Variants in NAV3 observed in about 807,000 individuals in gnomAD.
The protein encoded by NAV3 is pore membrane and/or filament interacting like protein 1.
In NAV3, 87 loss-of-function variants were observed where a neutral mutation model predicts 244.7. The observed-to-expected ratio is 0.36, with a 90% CI of 0.30 to 0.42. The LOEUF (loss-of-function observed/expected upper bound fraction) is 0.42. NAV3 is among the 20% of genes least tolerant of loss of function. NAV3 has a pLI of 1.00. For synonymous variants in NAV3, 1,126 were observed against 1,042.2 expected, an observed-to-expected ratio of 1.08 and a Z score of -1.55; for missense variants, 2,663 against 2,893.3, an observed-to-expected ratio of 0.92 and a Z score of 1.83.
intron 2 of NAV3, among the ~76,000 whole-genome samples, chr12:77,808,862 A>C (rs1872128923): frequency 6.6e-6 from 1 of 152,150 alleles, no homozygotes; most frequent in South Asian, 2.1e-4. Context: ...TTTCTTTCAG[A>C]TATGCCGTCT....
At chr12:78,057,212 A>G (rs940578463) in intron 11 of NAV3, among the ~76,000 whole-genome samples, 1 of 152,238 alleles carries the variant, frequency 6.6e-6, no homozygotes, top group African/African-American at 2.4e-5. Flanking sequence ...AATTGAAGTT[A>G]TCTTCAGGTG....
chr12:77,819,683 A>G (rs1417302290), intron 2 of NAV3, among the ~76,000 whole-genome samples: 3 of 152,152 alleles, frequency 2.0e-5, no homozygotes, highest in African/African-American at 4.8e-5. Context: ...GGACACAGGA[A>G]AAGTGAAGAA....
chr12:77,753,161 T>G (rs528114141), intron 2 of NAV3, among the ~76,000 whole-genome samples: 1 of 152,268 alleles, frequency 6.6e-6, no homozygotes, highest in East Asian at 1.9e-4. Context: ...TGACAACACA[T>G]AGAAAGTAAA....
intron 8 of NAV3, among the ~76,000 whole-genome samples, chr12:78,015,351 C>G (rs1417806548): frequency 6.6e-6 from 1 of 152,084 alleles, no homozygotes; most frequent in African/African-American, 2.4e-5. Flanking sequence ...GTCACATCTT[C>G]TGAATATCCC....
In NAV3 at chr12:78,193,337, G is replaced by T. The variant is rs553199997; in HGVS notation, c.6291+3118G>T. On this transcript the variant is annotated intron_variant, in intron 34 of 39. Transcript: ENST00000397909. Reference sequence around the variant, plus strand: ...GACATTCGATATAGTAGGCCCAGAGGGCTAGAGGTGGATTTAGTAGAGAAT... The same window carrying T: ...GACATTCGATATAGTAGGCCCAGAGTGCTAGAGGTGGATTTAGTAGAGAAT... 5.9e-5 allele frequency among the ~76,000 whole-genome samples: 9 copies of T among 152,266 alleles called. No homozygotes were observed. The South Asian group carries it at 8.3e-4, about 14-fold the overall frequency.
intron 1 of NAV3, among the ~76,000 whole-genome samples, chr12:77,932,825 C>T (rs1313409778): frequency 6.6e-6 from 1 of 152,130 alleles, no homozygotes; most frequent in African/African-American, 2.4e-5. Flanking sequence ...TGGCCTCTTC[C>T]TTTAGTGTTT....
At chr12:77,759,729 A>G (rs1236019899) in intron 2 of NAV3, among the ~76,000 whole-genome samples, 1 of 152,002 alleles carries the variant, frequency 6.6e-6, no homozygotes, top group Non-Finnish European at 1.5e-5. Flanking sequence ...AGTGTTAAAT[A>G]AAGTTGCTCA....
At chr12:78,071,711 C>A (rs947442551) in intron 12 of NAV3, among the ~76,000 whole-genome samples, 1 of 152,084 alleles carries the variant, frequency 6.6e-6, no homozygotes, top group Non-Finnish European at 1.5e-5. Flanking sequence ...GTTTTCCCAG[C>A]GCCATTTATT....
At chr12:77,786,387 AT>A (rs1345825932) in intron 2 of NAV3, among the ~76,000 whole-genome samples, 1 of 151,922 alleles carries the variant, frequency 6.6e-6, no homozygotes, top group Non-Finnish European at 1.5e-5. Flanking sequence ...ATATTTTAAT[AT>A]TTTTCATATG....
At chr12:77,789,506 G>A (rs1871073280) in intron 2 of NAV3, among the ~76,000 whole-genome samples, 1 of 31,636 alleles carries the variant, frequency 3.2e-5, no homozygotes, top group Non-Finnish European at 1.2e-4. Context: ...TCGCTAATGA[G>A]CTAAAAAAAA....
chr12:77,965,525 C>T (rs1008839462), intron 3 of NAV3, among the ~76,000 whole-genome samples: 5 of 151,914 alleles, frequency 3.3e-5, no homozygotes, highest in African/African-American at 7.3e-5. Context: ...AGAGTGAGGC[C>T]GGAGAATCGC....
rs1873603087 is a variant in NAV3, at chr12:77,831,185, G to GAC, written c.-276_-275insCA. The stretch of plus-strand genomic sequence containing the variant: ...AGAGAGAGACAGAGAGAGAGAGAGA[G>GAC]AGAGAGAGACAGAGAGAGAGAGAGA... On this transcript the variant is annotated 5_prime_UTR_variant, in exon 1 of 40. Transcript: ENST00000397909. 5 of 136,232 alleles carry GAC rather than the reference G, an allele frequency of 3.7e-5. No homozygotes were observed. The highest frequency in any genetic ancestry group is 1.9e-4 in the East Asian group (1 of 5,130). 8.4% of individuals were successfully genotyped at this position (136,232 alleles called of 1,614,324 possible). A position where few individuals can be genotyped will look rare whatever the true frequency, so the allele number is the denominator to read the frequency against.
At chr12:78,041,673 T>C (rs906779825) in intron 9 of NAV3, among the ~76,000 whole-genome samples, 6 of 152,192 alleles carry the variant, frequency 3.9e-5, no homozygotes, top group African/African-American at 1.4e-4. Context: ...CCTTGTCCCA[T>C]GTGAGACAGA....
chr12:77,944,657 A>T (rs1185232154), intron 3 of NAV3, among the ~76,000 whole-genome samples: 1 of 152,160 alleles, frequency 6.6e-6, no homozygotes, highest in Non-Finnish European at 1.5e-5. Context: ...GAAACCATGG[A>T]CAAGAATGGA....
At chr12:78,155,533 C>A (rs1957269015) in intron 22 of NAV3, among the ~76,000 whole-genome samples, 1 of 152,000 alleles carries the variant, frequency 6.6e-6, no homozygotes, top group African/African-American at 2.4e-5. Context: ...TGGGTATATA[C>A]CCAGTAATGG....
intron 2 of NAV3, among the ~76,000 whole-genome samples, chr12:77,632,344 G>T (rs1871948503): frequency 2.0e-5 from 3 of 152,148 alleles, no homozygotes; most frequent in Admixed American, 1.3e-4. Flanking sequence ...AAGAAAAAGA[G>T]GTTTAATGGA....
chr12:77,611,264 C>T, intron 2 of NAV3, among the ~76,000 whole-genome samples: 1 of 151,844 alleles, frequency 6.6e-6, no homozygotes. Flanking sequence ...ATTTATTTTA[C>T]TGGACCATTT....
chr12:77,753,519 C>T (rs893252085), intron 2 of NAV3, among the ~76,000 whole-genome samples: 18 of 152,284 alleles, frequency 1.2e-4, no homozygotes, highest in African/African-American at 4.3e-4. Context: ...CTCCATCTCT[C>T]TTCTTAAAGA....
chr12:77,601,482 A>C (rs1253235077), intron 2 of NAV3, among the ~76,000 whole-genome samples: 3 of 151,984 alleles, frequency 2.0e-5, no homozygotes, highest in African/African-American at 4.8e-5. Context: ...GGCCTCCTTG[A>C]ACTTTTGAAG....
Sources: allele counts gnomAD v4.1 joint callset (sites outside exome capture counted in the v4.1 genomes callset), GRCh38; gene constraint gnomAD v4.1.1; transcripts MANE v1.5; gene names NCBI Gene and HGNC (gene_info 2026-07-23, HGNC 2026-07-21).